ADAMTS18: variants seen among roughly 807,000 people sequenced by gnomAD.
ADAMTS18 encodes ADAM metallopeptidase with thrombospondin type 1 motif 18, also known as A disintegrin and metalloproteinase with thrombospondin motifs 18.
ADAMTS18 carries 157 observed loss-of-function variants against 165.9 expected under a neutral mutation model. The observed-to-expected ratio is 0.95, with a 90% confidence interval of 0.83 to 1.08. The LOEUF is 1.08. Among genes scored for constraint, ADAMTS18 ranks in the 50% least tolerant of loss-of-function variants. The pLI, the probability that ADAMTS18 is intolerant of heterozygous loss-of-function variation, is 0.00. For synonymous variants in ADAMTS18, 782 were observed against 578.2 expected (o/e 1.35, Z -5.06); for missense variants, 2,040 against 1,534.0 (o/e 1.33, Z -5.51).
intron 22 of ADAMTS18, among the ~76,000 whole-genome samples, chr16:77,287,996 T>C (rs566326054): frequency 6.6e-6 from 1 of 152,298 alleles, no homozygotes; most frequent in East Asian, 1.9e-4. Flanking sequence ...TGACTTGGCT[T>C]TGAACAAGAT....
rs1440690321 is a variant in ADAMTS18 at position 77,283,459 on chromosome 16, C to T, written c.*497G>A. On this transcript the variant is annotated 3_prime_UTR_variant, in exon 23 of 23. Coordinates refer to ENST00000282849, the MANE Select transcript of ADAMTS18 (RefSeq NM_199355.4). ...AAGCACAATTGCGAGCACCATTTGG[C>T]TTCTCATAGAACTCCTGGCTTGGGT... 2.4e-5 allele frequency: 4 copies of T among 166,602 alleles called. No homozygotes were observed. The highest frequency in any genetic ancestry group is 5.2e-5 in the Non-Finnish European group (4 of 76,904). The allele number at this position is 166,602 out of a possible 1,614,324, so 10.3% of individuals were successfully genotyped here. A position where few individuals can be genotyped will look rare whatever the true frequency, so the allele number is the denominator to read the frequency against.
Position 77,387,956 on chromosome 16 carries a change from A to G in ADAMTS18, c.496-20233T>C, listed in dbSNP as rs1465128808. Among the ~76,000 whole-genome samples, 4 of 152,074 alleles carry G rather than the reference A, an allele frequency of 2.6e-5. No homozygotes were observed. The South Asian group carries it at 8.3e-4, about 32-fold the overall frequency. ...CTATGGCGCTATCTCTCACCACTAC[A>G]CTTACTCCCAACCCCCATCCTTTAC... On this transcript the variant is annotated intron_variant, in intron 3 of 22. Transcript: ENST00000282849.
chr16:77,418,489 C>T (rs1312368290), intron 3 of ADAMTS18, among the ~76,000 whole-genome samples: 1 of 152,076 alleles, frequency 6.6e-6, no homozygotes, highest in East Asian at 1.9e-4. Context: ...TGCTAAACCT[C>T]CTACAATGCA....
rs1210923087 is a variant in ADAMTS18, at chr16:77,367,573, C to T, written c.646G>A (p.Gly216Ser). 1.2e-6 allele frequency: 2 copies of T among 1,614,206 alleles called. No individual in the cohort carries two copies. Among genetic ancestry groups the T allele is most frequent in the Admixed American group, 3.3e-5 (2 of 60,028 alleles). Residue 216 changes from glycine (G) to serine (S), a missense_variant, in exon 4 of 23, where the codon GGC (glycine) becomes AGC (serine). Transcript: ENST00000282849. ...TAATTCCGGCCAGAGCCGGGGTAGC[C>T]ACGGTACCGCTGGATCTTCTCCTCT... Reference protein sequence around the residue: ...TAEEKIQRYRGYPGSGRNYPG... With the variant: ...TAEEKIQRYRSYPGSGRNYPG...
At chr16:77,417,286 GT>G (rs916743361) in intron 3 of ADAMTS18, among the ~76,000 whole-genome samples, 2 of 152,076 alleles carry the variant, frequency 1.3e-5, no homozygotes, top group African/African-American at 4.8e-5. Context: ...AGCTGGGTGG[GT>G]GAGTGGGTGT....
intron 7 of ADAMTS18, among the ~76,000 whole-genome samples, chr16:77,359,884 G>T (rs2056687215): frequency 6.6e-6 from 1 of 152,156 alleles, no homozygotes; most frequent in African/African-American, 2.4e-5. Context: ...TCTTTTACTA[G>T]AGCAGAAAAC....
At chr16:77,377,611 T>G (rs898051056) in intron 3 of ADAMTS18, among the ~76,000 whole-genome samples, 1 of 152,210 alleles carries the variant, frequency 6.6e-6, no homozygotes, top group Non-Finnish European at 1.5e-5. Context: ...AATTCACAGA[T>G]AGTACAAAGT....
intron 22 of ADAMTS18, among the ~76,000 whole-genome samples, chr16:77,286,728 T>G (rs1227236638): frequency 1.3e-5 from 2 of 152,128 alleles, no homozygotes; most frequent in Non-Finnish European, 2.9e-5. Context: ...TAGTATTGAG[T>G]GCCTGCTCAT....
At chr16:77,411,765 C>T (rs1235970583) in intron 3 of ADAMTS18, among the ~76,000 whole-genome samples, 1 of 143,186 alleles carries the variant, frequency 7.0e-6, no homozygotes, top group Non-Finnish European at 1.5e-5. Context: ...TGGCTCACTG[C>T]AACCTCTGCC....
chr16:77,293,168 T>A lies in ADAMTS18; in HGVS notation c.3097A>T (p.Ser1033Cys). 6.2e-7 allele frequency: 1 copy of A among 1,614,050 alleles called. No homozygotes were observed. The highest frequency in any genetic ancestry group is 8.5e-7 in the Non-Finnish European group (1 of 1,179,986). Residue 1033 changes from serine (S) to cysteine (C), a missense_variant, in exon 20 of 23, where the codon AGT (serine) becomes TGT (cysteine). Physicochemically the swap from Ser to Cys is moderately radical, Grantham distance 112 (BLOSUM62 -1). Coordinates refer to ENST00000282849, the MANE Select transcript of ADAMTS18 (RefSeq NM_199355.4). ...TCCTGCAGCTCAGGTCTGGGGAGAC[T>A]GGTACACTGGCTCTCGGGGAGGGTT... The part of the protein sequence containing the change: ...AETLPESQCT[S>C]LPRPELQEGC...
rs115176238 is a variant in ADAMTS18, at chr16:77,345,500, G to T, written c.1615-3701C>A. The stretch of plus-strand genomic sequence containing the variant: ...GGCCACCTTCCATTTCTACTACCCT[G>T]TTCCAAGCCACCCGACATGGAGCTC... On this transcript the variant is annotated intron_variant, in intron 10 of 22. Transcript: ENST00000282849. Among the ~76,000 whole-genome samples the T allele has an allele frequency of 5.0e-3, 759 of 152,218 alleles. 4 individuals are homozygous for T. The highest frequency in any genetic ancestry group is 0.017 in the African/African-American group (705 of 41,522).
intron 10 of ADAMTS18, among the ~76,000 whole-genome samples, chr16:77,342,656 A>G (rs1321575677): frequency 6.6e-6 from 1 of 152,200 alleles, no homozygotes; most frequent in African/African-American, 2.4e-5. Context: ...CAGGCCTATG[A>G]AATAATTTCA....
At chr16:77,416,938 G>A (rs924102147) in intron 3 of ADAMTS18, among the ~76,000 whole-genome samples, 7 of 152,132 alleles carry the variant, frequency 4.6e-5, no homozygotes, top group Non-Finnish European at 8.8e-5. Flanking sequence ...TGACCTGGGA[G>A]CAATGAAGTT....
intron 3 of ADAMTS18, among the ~76,000 whole-genome samples, chr16:77,379,929 T>C (rs1018326132): frequency 6.6e-6 from 1 of 152,188 alleles, no homozygotes; most frequent in African/African-American, 2.4e-5. Context: ...AAAGTTGATT[T>C]GTCCAAGTAA....
In ADAMTS18 at chr16:77,367,659, T is replaced by A. The variant is rs762778579; in HGVS notation, c.560A>T (p.Gln187Leu). 6.2e-7 allele frequency: 1 copy of A among 1,614,194 alleles called. No homozygotes were observed. Among genetic ancestry groups the A allele is most frequent in the Non-Finnish European group, 8.5e-7 (1 of 1,180,026 alleles). The change falls in exon 4 of 23, where the codon CAG becomes CTG. Residue 187 changes from glutamine (Q) to leucine (L), a missense_variant. By Grantham distance (113) the Gln-to-Leu change is moderately radical. Coordinates refer to ENST00000282849, the MANE Select transcript of ADAMTS18 (RefSeq NM_199355.4). ...CGCAGGGGAGCTGTAGTTGTGTTCCTGGGCCAGAAGCTGAGGTAATGGCGA... is the reference window on the plus strand; with the variant it reads ...CGCAGGGGAGCTGTAGTTGTGTTCCAGGGCCAGAAGCTGAGGTAATGGCGA... ...LISPLPQLLA[Q>L]EHNYSSPAGH...
Position 77,312,477 on chromosome 16 carries a change from A to T in ADAMTS18, c.2532+7372T>A, listed in dbSNP as rs959814587. ...GGTCTCGAACTCCTGACCTCAGGTG[A>T]TCTACCCGCCTTGGCCTCCCAAAGT... On this transcript the variant is annotated intron_variant, in intron 16 of 22. Transcript: ENST00000282849. Among the ~76,000 whole-genome samples, 4 of 152,276 alleles carry T rather than the reference A, an allele frequency of 2.6e-5. No homozygotes were observed. In the East Asian group the frequency reaches 5.8e-4, roughly 22 times the overall value.
At chr16:77,322,531 T>A in intron 13 of ADAMTS18, 65 bp from the exon 14 acceptor site, 1 of 1,571,978 alleles carries the variant, frequency 6.4e-7, no homozygotes, top group African/African-American at 1.3e-5. Context: ...GATAGGATTG[T>A]CAAAAGAATG....
intron 3 of ADAMTS18, among the ~76,000 whole-genome samples, chr16:77,377,257 G>T (rs923607855): frequency 5.9e-5 from 9 of 152,152 alleles, no homozygotes; most frequent in Admixed American, 5.2e-4. Context: ...CAGAAAAAGG[G>T]AGACTGCAGC....
In ADAMTS18 at chr16:77,283,450, AC is replaced by A. The variant is rs1473482472; in HGVS notation, c.*505del. On this transcript the variant is annotated 3_prime_UTR_variant, in exon 23 of 23. Coordinates refer to ENST00000282849, the MANE Select transcript of ADAMTS18 (RefSeq NM_199355.4). The stretch of plus-strand genomic sequence containing the variant: ...TCCAGCAGCAAGCACAATTGCGAGC[AC>A]CATTTGGCTTCTCATAGAACTCCTG... 6.1e-6 allele frequency: 1 copy of A among 164,576 alleles called. No homozygotes were observed. The highest frequency in any genetic ancestry group is 2.4e-5 in the African/African-American group (1 of 41,536). The allele number at this position is 164,576 out of a possible 1,614,324, so 10.2% of individuals were successfully genotyped here.
Sources: gnomAD v4.1 joint callset for allele counts (sites outside exome capture counted in the v4.1 genomes callset) on GRCh38, gnomAD v4.1.1 for gene constraint, MANE v1.5 for transcripts, NCBI Gene and HGNC (gene_info 2026-07-23, HGNC 2026-07-21) for gene names.